Variants in CCNH observed in about 807,000 individuals in gnomAD.
The protein encoded by CCNH is cyclin-H.
In CCNH, 31 loss-of-function variants were observed where a neutral mutation model predicts 41.9. The ratio of observed to expected loss-of-function variants is 0.74; its 90% CI spans 0.56 to 1.00. The LOEUF is 1.00. Ranked by LOEUF, CCNH falls within the 50% of genes least tolerant of loss-of-function variation. The pLI is 0.00. For missense variants in CCNH, 362 were observed against 388.4 expected, an observed-to-expected ratio of 0.93 and a Z score of 0.57; for synonymous variants, 138 against 136.1, an observed-to-expected ratio of 1.01 and a Z score of -0.10.
rs1264194271 is a variant in CCNH at position 87,411,221 on chromosome 5, TACC to T, written c.240_240+2del. 2.5e-6 allele frequency: 4 copies of T among 1,609,890 alleles called. No homozygotes were observed. The highest frequency in any genetic ancestry group is 2.2e-5 in the East Asian group (1 of 44,722). ...ATTATATTTCATCACCACTGTAACT[TACC>T]ACAACAGATCTTGGCATTGCTGGCT... On this transcript the variant is annotated splice_donor_variant and coding_sequence_variant, in exon 2 of 9. Transcript: ENST00000256897. LOFTEE classifies it high-confidence loss of function.
At chr5:87,347,641 C>G (rs544249650) in intron 9 of CCNH, among the ~76,000 whole-genome samples, 10 of 151,760 alleles carry the variant, frequency 6.6e-5, no homozygotes, top group African/African-American at 1.2e-4. Context: ...ATACTTTATT[C>G]TTTTGAAAGA....
At chr5:87,400,667 T>C (rs1763335894) in intron 6 of CCNH, among the ~76,000 whole-genome samples, 1 of 152,168 alleles carries the variant, frequency 6.6e-6, no homozygotes, top group Non-Finnish European at 1.5e-5. Context: ...AAACACAAAA[T>C]ATATAAAATG....
At chr5:87,352,382 G>C (rs1427668599) in intron 9 of CCNH, among the ~76,000 whole-genome samples, 3 of 151,278 alleles carry the variant, frequency 2.0e-5, no homozygotes, top group Non-Finnish European at 3.0e-5. Flanking sequence ...GTGTTTCCTA[G>C]GTGGCTCAAA....
chr5:87,405,795 C>G (rs1763744868), intron 4 of CCNH, among the ~76,000 whole-genome samples: 1 of 152,068 alleles, frequency 6.6e-6, no homozygotes, highest in Non-Finnish European at 1.5e-5. Flanking sequence ...GAATTCCCTG[C>G]CCCAATATGC....
intron 5 of CCNH, among the ~76,000 whole-genome samples, chr5:87,402,341 C>G (rs1003790305): frequency 6.6e-6 from 1 of 152,128 alleles, no homozygotes; most frequent in South Asian, 2.1e-4. Flanking sequence ...AGGTGTTAAA[C>G]TTACTTATCA....
At chr5:87,321,760 G>GTGAGGCCAGTCCT (rs1175480146) in intron 9 of CCNH, among the ~76,000 whole-genome samples, 3 of 152,180 alleles carry the variant, frequency 2.0e-5, no homozygotes, top group Non-Finnish European at 4.4e-5. Flanking sequence ...ATGTTCAGCT[G>GTGAGGCCAGTCCT]TGAGGCCAGT....
intron 9 of CCNH, among the ~76,000 whole-genome samples, chr5:87,342,282 C>T (rs1011681449): frequency 6.6e-6 from 1 of 151,552 alleles, no homozygotes; most frequent in Non-Finnish European, 1.5e-5. Context: ...CCTTAGTCTC[C>T]TGAGTAGCTG....
chr5:87,353,368 G>A (rs1374249675), intron 9 of CCNH: 1 of 770,578 alleles, frequency 1.3e-6, no homozygotes, highest in East Asian at 2.7e-5. Context: ...GATTTTTTTA[G>A]AAAGTCAACT....
chr5:87,390,525 A>G (rs1223748048), downstream of CCNH, among the ~76,000 whole-genome samples: 1 of 152,112 alleles, frequency 6.6e-6, no homozygotes, highest in African/African-American at 2.4e-5. Flanking sequence ...ACTGCTTCTG[A>G]CAACATGTGA....
chr5:87,390,760 G>A (rs757814726), downstream of CCNH: 11 of 1,541,758 alleles, frequency 7.1e-6, no homozygotes, highest in South Asian at 2.2e-5. Context: ...ATTGCTGACC[G>A]AGCTTTCATT....
At chr5:87,390,114 G>C (rs1762390041), downstream of CCNH, among the ~76,000 whole-genome samples, 1 of 152,192 alleles carries the variant, frequency 6.6e-6, no homozygotes, top group African/African-American at 2.4e-5. Context: ...AACAGATACA[G>C]ATAAGGATGT....
chr5:87,412,848 A>G lies in CCNH; in HGVS notation c.-54T>C. On this transcript the variant is annotated 5_prime_UTR_variant, in exon 1 of 9. Coordinates refer to ENST00000256897, the MANE Select transcript of CCNH (RefSeq NM_001239.4). ...CTGCAGACGAGAACCCAAACGCATCAGCGTCCTGGCGTAAAACACCCGTAC... is the reference window on the plus strand; with the variant it reads ...CTGCAGACGAGAACCCAAACGCATCGGCGTCCTGGCGTAAAACACCCGTAC... 6.3e-7 allele frequency: 1 copy of G among 1,591,334 alleles called. No individual in the cohort carries two copies. Among genetic ancestry groups the G allele is most frequent in the Non-Finnish European group, 8.6e-7 (1 of 1,163,032 alleles).
chr5:87,366,303 G>C (rs1211825430), intron 9 of CCNH: 1 of 363,832 alleles, frequency 2.7e-6, no homozygotes, highest in Non-Finnish European at 5.7e-6. Flanking sequence ...ATATCTGTAA[G>C]ATTGAAGAAA....
intron 9 of CCNH, among the ~76,000 whole-genome samples, chr5:87,336,006 G>T (rs1022040357): frequency 3.3e-5 from 5 of 152,164 alleles, no homozygotes; most frequent in Admixed American, 3.3e-4. Context: ...ATCAGAAAAG[G>T]CTATTAAAAT....
chr5:87,371,055 T>TAG, intron 9 of CCNH, among the ~76,000 whole-genome samples: 1 of 152,070 alleles, frequency 6.6e-6, no homozygotes, highest in Admixed American at 6.6e-5. Flanking sequence ...TGTTAGAAAT[T>TAG]GAGTTAGAAA....
intron 9 of CCNH, among the ~76,000 whole-genome samples, chr5:87,367,632 T>A (rs1760622635): frequency 6.6e-6 from 1 of 152,236 alleles, no homozygotes; most frequent in African/African-American, 2.4e-5. Flanking sequence ...CTTAGAAAGA[T>A]GTCTTAGTGA....
downstream of CCNH, chr5:87,391,082 T>G (rs1762479319): frequency 3.1e-6 from 2 of 647,532 alleles, no homozygotes; most frequent in Admixed American, 4.8e-5. Context: ...GTGCAGGATA[T>G]TTGCACTATT....
At chr5:87,380,734 A>C (rs925610086), upstream of CCNH, 6 of 812,138 alleles carry the variant, frequency 7.4e-6, no homozygotes, top group African/African-American at 5.1e-5. Flanking sequence ...TTCTAAGTCC[A>C]GATGGCTCCT....
intron 9 of CCNH, among the ~76,000 whole-genome samples, chr5:87,360,594 A>G (rs756183589): frequency 9.8e-5 from 15 of 152,312 alleles, no homozygotes; most frequent in Admixed American, 9.2e-4. Context: ...GTAATTTTTT[A>G]TACAAAGGCC....
Sources: gnomAD v4.1 joint callset for allele counts (sites outside exome capture counted in the v4.1 genomes callset) on GRCh38, gnomAD v4.1.1 for gene constraint, MANE v1.5 for transcripts, NCBI Gene and HGNC (gene_info 2026-07-23, HGNC 2026-07-21) for gene names.